The following PRRC2C variants were observed in gnomAD, a reference collection of about 807,000 sequenced individuals.
PRRC2C encodes proline rich coiled-coil 2C, also known as protein PRRC2C.
PRRC2C carries 72 observed loss-of-function variants against 317.2 expected under a neutral mutation model. The observed-to-expected ratio is 0.23, with a 90% CI of 0.19 to 0.28. PRRC2C has a LOEUF of 0.28. Among genes scored for constraint, PRRC2C ranks in the 10% least tolerant of loss-of-function variants. PRRC2C has a pLI of 1.00. For synonymous variants in PRRC2C, 1,296 were observed against 1,205.9 expected, an observed-to-expected ratio of 1.07 and a Z score of -1.55; for missense variants, 3,074 against 3,459.7, an observed-to-expected ratio of 0.89 and a Z score of 2.80.
rs199989294 is a variant in PRRC2C at position 171,561,111 on chromosome 1, T to C, written c.6117+8T>C. 286 of 1,568,642 alleles carry C rather than the reference T, an allele frequency of 1.8e-4. No homozygotes were observed. Among genetic ancestry groups the C allele is most frequent in the Admixed American group, 8.8e-4 (53 of 59,938 alleles). On this transcript the variant is annotated splice_region_variant and intron_variant, in intron 20 of 34. Coordinates refer to ENST00000647382, the MANE Select transcript of PRRC2C (RefSeq NM_001387844.1). ...TCAGCTCCTTCATCAGAGGTAAGAA[T>C]AGGCTTTTAACAGCATAGGTGTGCT...
intron 9 of PRRC2C, 139 bp downstream of exon 9, chr1:171,523,661 A>C: frequency 3.9e-6 from 3 of 765,090 alleles, no homozygotes; most frequent in Non-Finnish European, 4.3e-6. Context: ...TACTGAATAG[A>C]GGGTGCTTAA....
rs1489429194 is a variant in PRRC2C at position 171,545,635 on chromosome 1, A to T, written c.4920A>T (p.Lys1640Asn). The T allele has an allele frequency of 1.2e-6, 2 of 1,613,310 alleles. No homozygotes were observed. Among genetic ancestry groups the T allele is most frequent in the South Asian group, 2.2e-5 (2 of 90,920 alleles). ...AAGACCCCAAACCAGGCCCTAAAAA[A>T]CCAAAAGAGAAAGTGGATGCTCTAT... ...KREDPKPGPK[K>N]PKEKVDALSQ... Residue 1640 changes from lysine (K) to asparagine (N), a missense_variant, in exon 17 of 35, where the codon AAA becomes AAT. Coordinates refer to ENST00000647382, the MANE Select transcript of PRRC2C (RefSeq NM_001387844.1).
Position 171,573,636 on chromosome 1 carries a change from G to T in PRRC2C, c.6754-1291G>T, listed in dbSNP as rs144201315. Among the ~76,000 whole-genome samples, 327 of 149,836 alleles carry T rather than the reference G, an allele frequency of 2.2e-3. 1 individual carries two copies. Among genetic ancestry groups the T allele is most frequent in the African/African-American group, 7.7e-3 (316 of 40,920 alleles). On this transcript the variant is annotated intron_variant, in intron 24 of 34. Transcript: ENST00000647382. The stretch of plus-strand genomic sequence containing the variant: ...AAATTATGAATAGTGTGTTTTTAAA[G>T]GAAGGCAGGGTAAAATATGTACTAT...
At chr1:171,488,812 C>G (rs889262930) in intron 1 of PRRC2C, among the ~76,000 whole-genome samples, 5 of 152,098 alleles carry the variant, frequency 3.3e-5, no homozygotes, top group Non-Finnish European at 2.9e-5. Flanking sequence ...AACTAAGAGT[C>G]TGAACACAAG....
In PRRC2C at chr1:171,587,742, G is replaced by C; in HGVS notation, c.8063G>C (p.Ser2688Thr). The part of the protein sequence containing the change: ...IAGRSTTPTS[S>T]PFRATSTSPN... ...GGTAGAAGCACCACACCAACATCTA[G>C]TCCCTTCCGGTAAAATGGGCATTTA... Residue 2688 changes from serine (S) to threonine (T), a missense_variant, in exon 32 of 35, where the codon AGT becomes ACT. Ser to Thr is a moderately conservative substitution (Grantham distance 58, BLOSUM62 1). Around this residue, in one of 11 missense-constraint regions of PRRC2C, gnomAD observed 490 missense variants for 663.1 expected, o/e 0.74. Transcript: ENST00000647382. 6.2e-7 allele frequency: 1 copy of C among 1,606,490 alleles called. No individual in the cohort carries two copies. Among genetic ancestry groups the C allele is most frequent in the East Asian group, 2.2e-5 (1 of 44,820 alleles).
intron 29 of PRRC2C, 24 bp from the exon 30 acceptor site, chr1:171,584,395 G>A: frequency 6.5e-7 from 1 of 1,530,080 alleles, no homozygotes; most frequent in Non-Finnish European, 8.8e-7. Flanking sequence ...TCTTACTCAT[G>A]TTTTCTTAAA....
chr1:171,548,604 A>G (rs1679605771), intron 17 of PRRC2C, among the ~76,000 whole-genome samples: 1 of 152,218 alleles, frequency 6.6e-6, no homozygotes, highest in South Asian at 2.1e-4. Flanking sequence ...TTCAGACATT[A>G]TACCTATAAT....
chr1:171,528,513 G>A (rs1482759010), intron 11 of PRRC2C, among the ~76,000 whole-genome samples: 4 of 151,802 alleles, frequency 2.6e-5, no homozygotes, highest in Non-Finnish European at 4.4e-5. Flanking sequence ...GGACGGTCTC[G>A]ATATCCTGAC....
intron 6 of PRRC2C, 99 bp from the exon 7 acceptor site, chr1:171,522,078 T>C (rs1673681108): frequency 2.1e-6 from 1 of 479,550 alleles, no homozygotes; most frequent in Non-Finnish European, 3.5e-6. Context: ...GTTTTATAAA[T>C]TGTAACTTCA....
chr1:171,569,816 A>G (rs893002340), intron 23 of PRRC2C, among the ~76,000 whole-genome samples: 2 of 151,584 alleles, frequency 1.3e-5, no homozygotes, highest in African/African-American at 2.4e-5. Context: ...TTTAAAGTAT[A>G]TGATGCTTTT....
At position 171,542,097 on chromosome 1, in the gene PRRC2C, GT is replaced by G; in HGVS notation, c.4636del (p.Ser1546LeufsTer6). The G allele has an allele frequency of 6.2e-7, 1 of 1,613,934 alleles. No individual in the cohort carries two copies. Among genetic ancestry groups the G allele is most frequent in the Non-Finnish European group, 8.5e-7 (1 of 1,179,876 alleles). Reference sequence around the variant, plus strand: ...CCAAAGAGGGAAATTGCAAAGAGAAGTTTTTCTAGTCAGAGACCAGTAGATC... The same window carrying G: ...CCAAAGAGGGAAATTGCAAAGAGAAGTTTTCTAGTCAGAGACCAGTAGATC... The part of the protein sequence containing the change: ...LPPKREIAKR[S>X]FSSQRPVDRQ... On this transcript the variant is annotated frameshift_variant, in exon 16 of 35. Coordinates refer to ENST00000647382, the MANE Select transcript of PRRC2C (RefSeq NM_001387844.1). LOFTEE classifies it high-confidence loss of function.
intron 1 of PRRC2C, among the ~76,000 whole-genome samples, chr1:171,500,577 T>G (rs1668918285): frequency 6.6e-6 from 1 of 152,140 alleles, no homozygotes; most frequent in Non-Finnish European, 1.5e-5. Flanking sequence ...TTAGTTGTTT[T>G]GTTAGAGACA....
intron 15 of PRRC2C, among the ~76,000 whole-genome samples, chr1:171,537,761 G>A (rs1466087083): frequency 2.6e-5 from 4 of 151,894 alleles, no homozygotes; most frequent in Admixed American, 2.0e-4. Flanking sequence ...GCTGGAGTGC[G>A]TTGGTATGAT....
In PRRC2C at chr1:171,532,345, T is replaced by C; in HGVS notation, c.1257T>C (p.His419=). 2.5e-6 allele frequency: 4 copies of C among 1,609,114 alleles called. No homozygotes were observed. The highest frequency in any genetic ancestry group is 1.3e-5 in the African/African-American group (1 of 74,616). ...PPPPKLLAQQ[H]PPPDRQAVPG... ...CATCTGATACCTTAATGTTTCAGCA[T>C]CCACCTCCAGATCGACAGGCAGTAC... The change falls in exon 12 of 35, where the codon CAT becomes CAC. Residue 419 remains histidine (H), a splice_region_variant and synonymous_variant. Coordinates refer to ENST00000647382, the MANE Select transcript of PRRC2C (RefSeq NM_001387844.1).
At chr1:171,499,522 G>A (rs1380122805) in intron 1 of PRRC2C, among the ~76,000 whole-genome samples, 2 of 152,218 alleles carry the variant, frequency 1.3e-5, no homozygotes, top group East Asian at 1.9e-4. Flanking sequence ...CGGGCACGGT[G>A]GCTCACGCCT....
chr1:171,591,711 C>T lies in PRRC2C; in HGVS notation c.8561C>T (p.Thr2854Ile). The change falls in exon 35 of 35, where the codon ACA becomes ATA. Residue 2854 changes from threonine to isoleucine, a missense_variant. Around this residue, in one of 11 missense-constraint regions of PRRC2C, gnomAD observed 78 missense variants for 97.7 expected, o/e 0.80. Transcript: ENST00000647382. ...VDSDSSKPPE[T>I]LTDPPGVCQE... ...AGTGATTCAAGTAAACCTCCTGAAA[C>T]ACTGACCGACCCTCCTGGGGTCTGT... 2 of 1,613,906 alleles carry T rather than the reference C, an allele frequency of 1.2e-6. No individual in the cohort carries two copies. The highest frequency in any genetic ancestry group is 1.7e-6 in the Non-Finnish European group (2 of 1,179,874).
intron 1 of PRRC2C, among the ~76,000 whole-genome samples, chr1:171,488,932 C>A (rs748033076): frequency 1.3e-5 from 2 of 152,066 alleles, no homozygotes; most frequent in African/African-American, 2.4e-5. Context: ...TTGAGGAGCA[C>A]GTCTAGTATT....
intron 34 of PRRC2C, chr1:171,591,247 AC>A: frequency 1.0e-6 from 1 of 995,324 alleles, no homozygotes; most frequent in Non-Finnish European, 1.2e-6. Context: ...TTTATTGTAG[AC>A]CACATATTGA....
At chr1:171,566,487 T>C (rs1558017299) in intron 21 of PRRC2C, 66 bp downstream of exon 21, 1 of 1,487,038 alleles carries the variant, frequency 6.7e-7, no homozygotes. Context: ...CAAATAATAC[T>C]TTTAAAAGTG....
Sources: allele counts gnomAD v4.1 joint callset (sites outside exome capture counted in the v4.1 genomes callset), GRCh38; gene constraint gnomAD v4.1.1; regional missense constraint gnomAD v4.1.1; transcripts MANE v1.5; gene names NCBI Gene and HGNC (gene_info 2026-07-23, HGNC 2026-07-21).